The following TTC39B variants were observed in gnomAD, a reference collection of about 807,000 sequenced individuals.
TTC39B encodes the protein tetratricopeptide repeat domain 39B.
A neutral mutation model predicts 96.6 loss-of-function variants in TTC39B; 92 were observed. That is an observed-to-expected ratio of 0.95 (90% CI 0.80 to 1.13). The LOEUF (loss-of-function observed/expected upper bound fraction) is 1.13. Among genes scored for constraint, TTC39B ranks in the 50% most tolerant of loss-of-function variants. The pLI is 0.00. For missense variants in TTC39B, 955 were observed against 809.3 expected, an observed-to-expected ratio of 1.18 and a Z score of -2.18; for synonymous variants, 367 against 299.4, an observed-to-expected ratio of 1.23 and a Z score of -2.33.
intron 14 of TTC39B, among the ~76,000 whole-genome samples, chr9:15,187,394 C>T (rs1057014205): frequency 3.3e-5 from 5 of 152,168 alleles, no homozygotes; most frequent in African/African-American, 1.2e-4. Context: ...AAATTATCAA[C>T]ATGATTAAGA....
chr9:15,183,464 CAAA>C (rs35283660), intron 16 of TTC39B: 3,318 of 257,318 alleles, frequency 0.013, no homozygotes, highest in South Asian at 0.024. Flanking sequence ...TTCCTAGGTA[CAAA>C]AAAAAAAAAA....
chr9:15,164,928 G>C (rs920063386), exon 20 of TTC39B: 1 of 152,156 alleles, frequency 6.6e-6, no homozygotes, highest in African/African-American at 2.4e-5. Context: ...AACAGCCTAA[G>C]ATTTAAAATG....
At chr9:15,214,272 A>G in intron 3 of TTC39B, 23 bp from the exon 4 acceptor site, 5 of 1,580,042 alleles carry the variant, frequency 3.2e-6, no homozygotes, top group Non-Finnish European at 4.3e-6. Flanking sequence ...AAAAAAGCAC[A>G]GAGAATTTCT....
Position 15,228,389 on chromosome 9 carries a change from G to A in TTC39B, c.276-2377C>T, listed in dbSNP as rs182565354. On this transcript the variant is annotated intron_variant, in intron 2 of 19. Coordinates refer to ENST00000512701, the Ensembl canonical transcript of TTC39B. ...TGAGACAGGAGAATTGCTTGAACCC[G>A]GGAGGCGGAGGTTGCAGTGAGCCAA... is the stretch of plus-strand genomic sequence containing the variant. 5.1e-4 allele frequency among the ~76,000 whole-genome samples: 77 copies of A among 152,228 alleles called. 1 individual carries two copies. Among genetic ancestry groups the A allele is most frequent in the African/African-American group, 3.6e-4 (15 of 41,542 alleles).
intron 1 of TTC39B, among the ~76,000 whole-genome samples, chr9:15,301,780 GA>G (rs1479971847): frequency 1.3e-5 from 2 of 150,898 alleles, no homozygotes; most frequent in Non-Finnish European, 3.0e-5. Flanking sequence ...AAGAAGAAAA[GA>G]AAGAAAATTG....
chr9:15,261,094 G>C (rs566407272), intron 2 of TTC39B, among the ~76,000 whole-genome samples: 2 of 152,314 alleles, frequency 1.3e-5, no homozygotes, highest in South Asian at 2.1e-4. Context: ...ACCATGAAAA[G>C]AAAATCTTAA....
chr9:15,171,900 C>CA (rs1455008155), exon 20 of TTC39B: 2 of 639,250 alleles, frequency 3.1e-6, no homozygotes, highest in African/African-American at 3.7e-5. Flanking sequence ...AAAATATTGA[C>CA]CAAAAAAACT....
intron 1 of TTC39B, among the ~76,000 whole-genome samples, chr9:15,285,186 G>T (rs1313328723): frequency 6.6e-6 from 1 of 151,602 alleles, no homozygotes; most frequent in Non-Finnish European, 1.5e-5. Flanking sequence ...GGAGAATGGC[G>T]TGAACCCGGG....
chr9:15,276,943 T>C (rs1407817292), intron 1 of TTC39B, among the ~76,000 whole-genome samples: 1 of 152,230 alleles, frequency 6.6e-6, no homozygotes, highest in African/African-American at 2.4e-5. Flanking sequence ...CTGGGATCCC[T>C]AACTATACTT....
chr9:15,211,602 A>T (rs537406527), intron 4 of TTC39B, among the ~76,000 whole-genome samples: 2 of 152,322 alleles, frequency 1.3e-5, no homozygotes, highest in African/African-American at 4.8e-5. Flanking sequence ...GCAGAACAAA[A>T]TGTTCCAGGT....
chr9:15,234,999 C>G (rs1821703930), intron 2 of TTC39B, among the ~76,000 whole-genome samples: 1 of 121,240 alleles, frequency 8.2e-6, no homozygotes, highest in African/African-American at 3.1e-5. Context: ...AAATCCCCCT[C>G]TGTGAGAAAC....
At chr9:15,239,068 G>C (rs1345393754) in intron 2 of TTC39B, among the ~76,000 whole-genome samples, 1 of 151,384 alleles carries the variant, frequency 6.6e-6, no homozygotes, top group Non-Finnish European at 1.5e-5. Context: ...AACTCAACAA[G>C]AAAGAAACAA....
chr9:15,206,803 A>G (rs1819885436), intron 6 of TTC39B, among the ~76,000 whole-genome samples: 1 of 152,144 alleles, frequency 6.6e-6, no homozygotes, highest in East Asian at 1.9e-4. Context: ...GGTGGAGTAC[A>G]GGGGCATGAT....
At chr9:15,208,818 C>G (rs1430321551) in intron 6 of TTC39B, among the ~76,000 whole-genome samples, 1 of 152,160 alleles carries the variant, frequency 6.6e-6, no homozygotes. Flanking sequence ...ATAATCAATA[C>G]TCTAGCTTCA....
intron 3 of TTC39B, among the ~76,000 whole-genome samples, chr9:15,216,433 G>C (rs1372495504): frequency 6.6e-6 from 1 of 152,194 alleles, no homozygotes; most frequent in East Asian, 1.9e-4. Context: ...GCTCTTGATG[G>C]AGGGCTAAGA....
At chr9:15,276,643 T>G (rs1363814111) in intron 1 of TTC39B, among the ~76,000 whole-genome samples, 1 of 152,214 alleles carries the variant, frequency 6.6e-6, no homozygotes, top group Non-Finnish European at 1.5e-5. Flanking sequence ...AATACACAAG[T>G]GATTTTAATT....
intron 17 of TTC39B, among the ~76,000 whole-genome samples, chr9:15,178,929 C>T (rs981680077): frequency 6.6e-6 from 1 of 152,172 alleles, no homozygotes; most frequent in Non-Finnish European, 1.5e-5. Context: ...TATCAATTCT[C>T]CCAGGTTGTG....
At position 15,255,893 on chromosome 9, in the gene TTC39B, T is replaced by G. The variant is rs564620935; in HGVS notation, c.275+12021A>C. 2.6e-5 allele frequency among the ~76,000 whole-genome samples: 4 copies of G among 152,288 alleles called. No individual in the cohort carries two copies. The East Asian group carries it at 5.8e-4, about 22-fold the overall frequency. On this transcript the variant is annotated intron_variant, in intron 2 of 19. Transcript: ENST00000512701. ...TAACCATTTGAATAATCACAGCAAT[T>G]ATCACTGTGCCCTATACTCATTAGG...
chr9:15,226,174 G>A (rs58979671), intron 2 of TTC39B, among the ~76,000 whole-genome samples, 162 bp from the exon 3 acceptor site: 2,639 of 152,238 alleles, frequency 0.017, 72 homozygotes, highest in African/African-American at 0.06. Context: ...CTACTGTTAT[G>A]TGTCAAACAT....
Sources: gnomAD v4.1 joint callset for allele counts (sites outside exome capture counted in the v4.1 genomes callset) on GRCh38, gnomAD v4.1.1 for gene constraint, MANE v1.5 for transcripts, NCBI Gene and HGNC (gene_info 2026-07-23, HGNC 2026-07-21) for gene names.